The following GRID2 variants were observed in gnomAD, a reference collection of about 807,000 sequenced individuals.
GRID2 encodes the protein glutamate receptor ionotropic, delta-2.
Under a neutral mutation model 114.8 loss-of-function variants are expected in GRID2, and 33 were observed. That is an observed-to-expected ratio of 0.29 (90% confidence interval 0.22 to 0.38). GRID2 has a LOEUF of 0.38. Among genes scored for constraint, GRID2 ranks in the 10% least tolerant of loss-of-function variants. GRID2 has a pLI of 1.00. For synonymous variants in GRID2, 505 were observed against 449.9 expected (o/e 1.12, Z -1.55); for missense variants, 1,184 against 1,257.7 (o/e 0.94, Z 0.89).
At chr4:93,582,608 C>T (rs1486760726) in intron 13 of GRID2, among the ~76,000 whole-genome samples, 1 of 152,128 alleles carries the variant, frequency 6.6e-6, no homozygotes. Context: ...TCATCTCAGA[C>T]ATTTGCCTAA....
chr4:93,578,726 T>C (rs996566007), intron 13 of GRID2, among the ~76,000 whole-genome samples: 6 of 151,442 alleles, frequency 4.0e-5, no homozygotes, highest in African/African-American at 1.5e-4. Flanking sequence ...CCCAAGTAGC[T>C]GGGACTACAG....
At position 92,661,041 on chromosome 4, in the gene GRID2, G is replaced by A. The variant is rs1027162571; in HGVS notation, c.244+70755G>A. ...TTCCACTATTGTAGGACTTTGTCAA[G>A]TGGATAAATCTTTAAAATAACCGTG... On this transcript the variant is annotated intron_variant, in intron 2 of 15. Coordinates refer to ENST00000282020, the MANE Select transcript of GRID2 (RefSeq NM_001510.4). Among the ~76,000 whole-genome samples the A allele has an allele frequency of 6.6e-5, 10 of 150,810 alleles. No individual in the cohort carries two copies. The East Asian group carries it at 1.9e-3, about 29-fold the overall frequency.
chr4:93,696,604 G>T (rs1408207797), intron 14 of GRID2, among the ~76,000 whole-genome samples: 1 of 152,140 alleles, frequency 6.6e-6, no homozygotes. Flanking sequence ...TGCACAACCT[G>T]CAGGTTAGTT....
intron 13 of GRID2, among the ~76,000 whole-genome samples, chr4:93,531,741 A>G (rs1731465381): frequency 6.6e-6 from 1 of 152,132 alleles, no homozygotes; most frequent in South Asian, 2.1e-4. Context: ...GATGTACATT[A>G]CTACAATATA....
chr4:93,111,119 A>G (rs1453706382), intron 4 of GRID2, among the ~76,000 whole-genome samples, 166 bp downstream of exon 4: 1 of 152,170 alleles, frequency 6.6e-6, no homozygotes. Context: ...TATCTCATTT[A>G]CCCCTTACTG....
At chr4:93,101,435 G>C (rs1266756238) in intron 3 of GRID2, among the ~76,000 whole-genome samples, 2 of 151,734 alleles carry the variant, frequency 1.3e-5, no homozygotes, top group African/African-American at 4.8e-5. Flanking sequence ...TACCCTTCTT[G>C]GCCCCTGGTC....
intron 2 of GRID2, among the ~76,000 whole-genome samples, chr4:92,729,401 G>A (rs1736222321): frequency 6.6e-6 from 1 of 151,886 alleles, no homozygotes; most frequent in Admixed American, 6.6e-5. Context: ...AGTATTACCT[G>A]TGTATGTTCA....
At chr4:93,804,735 A>C (rs538467006) in intron 1 of GRID2, among the ~76,000 whole-genome samples, 3 of 152,298 alleles carry the variant, frequency 2.0e-5, no homozygotes, top group Admixed American at 2.0e-4. Context: ...TTGTTCTTTG[A>C]AGTCACAGGG....
intron 14 of GRID2, among the ~76,000 whole-genome samples, chr4:93,742,801 GT>G (rs1317526506): frequency 6.6e-6 from 1 of 152,040 alleles, no homozygotes; most frequent in Non-Finnish European, 1.5e-5. Context: ...TGGCCCTCCT[GT>G]TTGCTGAGAC....
chr4:92,630,608 C>A (rs2149245685), intron 2 of GRID2, among the ~76,000 whole-genome samples: 1 of 152,216 alleles, frequency 6.6e-6, no homozygotes, highest in African/African-American at 2.4e-5. Flanking sequence ...CAGCCTTTTT[C>A]TTGGTTTTAG....
chr4:93,240,109 G>C (rs1003093466), intron 8 of GRID2, among the ~76,000 whole-genome samples: 6 of 151,524 alleles, frequency 4.0e-5, no homozygotes, highest in African/African-American at 1.5e-4. Context: ...TATACATCTT[G>C]GATACTTTTA....
chr4:93,229,802 G>C (rs916906867), intron 7 of GRID2, among the ~76,000 whole-genome samples: 1 of 152,030 alleles, frequency 6.6e-6, no homozygotes, highest in Non-Finnish European at 1.5e-5. Flanking sequence ...TAATGGGCAA[G>C]GTTTCTGTTT....
At chr4:92,472,364 G>A (rs1722089811) in intron 1 of GRID2, among the ~76,000 whole-genome samples, 1 of 152,068 alleles carries the variant, frequency 6.6e-6, no homozygotes, top group Non-Finnish European at 1.5e-5. Context: ...TTCAGCTTTG[G>A]CTGTTACAAA....
intron 13 of GRID2, among the ~76,000 whole-genome samples, chr4:93,545,192 C>T (rs1472858319): frequency 2.0e-5 from 3 of 151,916 alleles, no homozygotes; most frequent in Non-Finnish European, 4.4e-5. Context: ...AGGCAGATAA[C>T]AAAGAACTAG....
In GRID2 at chr4:92,716,778, T is replaced by A. The variant is rs533687323; in HGVS notation, c.244+126492T>A. Among the ~76,000 whole-genome samples, 17 of 152,292 alleles carry A rather than the reference T, an allele frequency of 1.1e-4. No homozygotes were observed. In the South Asian group the frequency reaches 3.1e-3, roughly 28 times the overall value. ...TCCATGATTGCCTGGGAGAAAATCATTTGTGTTGTTGAAATGTATTCACTT... is the reference window on the plus strand; with the variant it reads ...TCCATGATTGCCTGGGAGAAAATCAATTGTGTTGTTGAAATGTATTCACTT... On this transcript the variant is annotated intron_variant, in intron 2 of 15. Transcript: ENST00000282020.
intron 2 of GRID2, among the ~76,000 whole-genome samples, chr4:92,831,406 A>C (rs1560622313): frequency 1.3e-5 from 2 of 152,090 alleles, no homozygotes; most frequent in Non-Finnish European, 2.9e-5. Flanking sequence ...CAAAAACGTG[A>C]GCTAAATGAT....
At chr4:92,359,420 C>T (rs1325319018) in intron 1 of GRID2, among the ~76,000 whole-genome samples, 1 of 151,950 alleles carries the variant, frequency 6.6e-6, no homozygotes, top group Non-Finnish European at 1.5e-5. Flanking sequence ...ACTTATCTGA[C>T]CTATAACTTT....
intron 2 of GRID2, among the ~76,000 whole-genome samples, chr4:92,955,609 T>A (rs1332473447): frequency 1.3e-5 from 2 of 152,174 alleles, no homozygotes; most frequent in African/African-American, 4.8e-5. Flanking sequence ...GTGCAGAAGC[T>A]CTTTAGTTTA....
chr4:92,338,999 T>C (rs1727335110), intron 1 of GRID2, among the ~76,000 whole-genome samples: 1 of 152,062 alleles, frequency 6.6e-6, no homozygotes, highest in African/African-American at 2.4e-5. Flanking sequence ...ATCCAAAATA[T>C]TAATCTTTAG....
Sources: gnomAD v4.1 joint callset for allele counts (sites outside exome capture counted in the v4.1 genomes callset) on GRCh38, gnomAD v4.1.1 for gene constraint, MANE v1.5 for transcripts, NCBI Gene and HGNC (gene_info 2026-07-23, HGNC 2026-07-21) for gene names.